The following GPR39 variants were observed in gnomAD, a reference collection of about 807,000 sequenced individuals.
GPR39 encodes the protein zinc sensing receptor.
In GPR39, 23 loss-of-function variants were observed where a neutral mutation model predicts 18.4. The ratio of observed to expected loss-of-function variants is 1.25; its 90% CI spans 0.90 to 1.77. The LOEUF is 1.77. GPR39 is among the 40% of genes most tolerant of loss of function. The pLI is 0.00. For missense variants in GPR39, 647 were observed against 602.4 expected (o/e 1.07, Z -0.78); for synonymous variants, 280 against 257.9 (o/e 1.09, Z -0.82).
chr2:132,454,430 G>A (rs113151560), intron 1 of GPR39, among the ~76,000 whole-genome samples: 143 of 152,268 alleles, frequency 9.4e-4, no homozygotes, highest in African/African-American at 2.8e-3. Flanking sequence ...TCTGCAAACA[G>A]GAACAATTTG....
In GPR39 at chr2:132,493,185, T is replaced by TATATATACACC. The variant is rs1183679740; in HGVS notation, c.856+75305_856+75315dup. 1.1e-4 allele frequency among the ~76,000 whole-genome samples: 16 copies of TATATATACACC among 140,902 alleles called. 1 individual carries two copies. In the South Asian group the frequency reaches 3.6e-3, roughly 32 times the overall value. The allele number at this position is 140,902 out of a possible 152,430, so 92.4% of individuals were successfully genotyped here. A position where few individuals can be genotyped will look rare whatever the true frequency, so the allele number is the denominator to read the frequency against. ...CCATATATACACCATATATACACCA[T>TATATATACACC]ATATATACACCATATATACACCATA... is the stretch of plus-strand genomic sequence containing the variant. On this transcript the variant is annotated intron_variant, in intron 1 of 1. Coordinates refer to ENST00000329321, the MANE Select transcript of GPR39 (RefSeq NM_001508.3).
chr2:132,625,143 C>CT (rs990874525), intron 1 of GPR39, among the ~76,000 whole-genome samples: 1 of 150,106 alleles, frequency 6.7e-6, no homozygotes, highest in Non-Finnish European at 1.5e-5. Context: ...TTCTACGTGG[C>CT]TTTTTCCCCT....
intron 1 of GPR39, among the ~76,000 whole-genome samples, chr2:132,619,379 T>A (rs1309711689): frequency 1.3e-5 from 2 of 151,776 alleles, no homozygotes; most frequent in Non-Finnish European, 2.9e-5. Context: ...CCACCGAGCG[T>A]GTCTTTGGTC....
chr2:132,619,386 G>A (rs1419176307), intron 1 of GPR39, among the ~76,000 whole-genome samples: 2 of 152,134 alleles, frequency 1.3e-5, no homozygotes, highest in Admixed American at 6.5e-5. Flanking sequence ...GCGTGTCTTT[G>A]GTCCCAGCTG....
intron 1 of GPR39, among the ~76,000 whole-genome samples, chr2:132,581,263 C>T (rs1680617489): frequency 6.6e-6 from 1 of 151,726 alleles, no homozygotes; most frequent in South Asian, 2.1e-4. Context: ...ACGATTCAGT[C>T]CTCTATTAGG....
chr2:132,513,379 C>T (rs1325531169), intron 1 of GPR39, among the ~76,000 whole-genome samples: 2 of 151,812 alleles, frequency 1.3e-5, no homozygotes, highest in South Asian at 2.1e-4. Context: ...GGGAGGATGG[C>T]GTGAACCTGG....
chr2:132,440,916 G>A (rs190443872), intron 1 of GPR39, among the ~76,000 whole-genome samples: 1 of 152,224 alleles, frequency 6.6e-6, no homozygotes, highest in East Asian at 1.9e-4. Flanking sequence ...GAGCAGTCCT[G>A]CCCCACATTC....
At chr2:132,427,359 G>A (rs1680145849) in intron 1 of GPR39, among the ~76,000 whole-genome samples, 1 of 149,130 alleles carries the variant, frequency 6.7e-6, no homozygotes, top group African/African-American at 2.5e-5. Context: ...TAGTAGAGAT[G>A]GTGTTTCACT....
intron 1 of GPR39, among the ~76,000 whole-genome samples, chr2:132,425,845 A>G (rs1680109500): frequency 6.6e-6 from 1 of 152,158 alleles, no homozygotes; most frequent in Non-Finnish European, 1.5e-5. Context: ...CACCAGCAAG[A>G]AAATGGGCCC....
chr2:132,497,671 T>C (rs1681672901), intron 1 of GPR39, among the ~76,000 whole-genome samples: 1 of 152,168 alleles, frequency 6.6e-6, no homozygotes, highest in South Asian at 2.1e-4. Flanking sequence ...ACCCTACTTA[T>C]TATGCCATCA....
chr2:132,513,368 C>T (rs796376369), intron 1 of GPR39, among the ~76,000 whole-genome samples: 2 of 152,022 alleles, frequency 1.3e-5, no homozygotes, highest in African/African-American at 4.8e-5. Context: ...GAGGCTGAAG[C>T]GGGAGGATGG....
chr2:132,491,460 T>A (rs1317806287), intron 1 of GPR39, among the ~76,000 whole-genome samples: 1 of 152,130 alleles, frequency 6.6e-6, no homozygotes, highest in Non-Finnish European at 1.5e-5. Context: ...GAACCACATT[T>A]TGTATTGCCT....
At chr2:132,568,525 G>A (rs1680390200) in intron 1 of GPR39, among the ~76,000 whole-genome samples, 1 of 151,994 alleles carries the variant, frequency 6.6e-6, no homozygotes, top group Non-Finnish European at 1.5e-5. Flanking sequence ...AGCCAACAGG[G>A]CGAAACCCTG....
chr2:132,492,477 C>T (rs1359185734), intron 1 of GPR39, among the ~76,000 whole-genome samples: 1 of 140,824 alleles, frequency 7.1e-6, no homozygotes, highest in Non-Finnish European at 1.5e-5. Flanking sequence ...CATATATATA[C>T]ACCATATATA....
intron 1 of GPR39, among the ~76,000 whole-genome samples, chr2:132,497,022 T>C (rs752788292): frequency 6.6e-5 from 10 of 152,344 alleles, no homozygotes; most frequent in Middle Eastern, 3.4e-3. Context: ...TTGGCTATCA[T>C]GACAGCAGTG....
At chr2:132,566,161 G>A (rs1470941539) in intron 1 of GPR39, among the ~76,000 whole-genome samples, 6 of 148,144 alleles carry the variant, frequency 4.1e-5, no homozygotes, top group Non-Finnish European at 5.9e-5. Flanking sequence ...GTGATGATGA[G>A]CATTTTTTCA....
intron 1 of GPR39, among the ~76,000 whole-genome samples, chr2:132,549,339 T>G (rs973123407): frequency 6.6e-6 from 1 of 152,234 alleles, no homozygotes; most frequent in African/African-American, 2.4e-5. Context: ...CTGTGTCGAT[T>G]AAGGCTGTGC....
intron 1 of GPR39, among the ~76,000 whole-genome samples, chr2:132,614,251 G>A (rs1242131041): frequency 1.3e-5 from 2 of 151,754 alleles, no homozygotes; most frequent in Admixed American, 1.3e-4. Context: ...CTGTCGCACA[G>A]ACTGGAGTGC....
At chr2:132,558,916 C>G (rs1680200318) in intron 1 of GPR39, among the ~76,000 whole-genome samples, 1 of 152,142 alleles carries the variant, frequency 6.6e-6, no homozygotes, top group Non-Finnish European at 1.5e-5. Context: ...AGCTCCTCTT[C>G]AGTTGCTCCA....
Sources: gnomAD v4.1 joint callset for allele counts (sites outside exome capture counted in the v4.1 genomes callset) on GRCh38, gnomAD v4.1.1 for gene constraint, MANE v1.5 for transcripts, NCBI Gene and HGNC (gene_info 2026-07-23, HGNC 2026-07-21) for gene names.